SEC24A: variants seen among roughly 807,000 people sequenced by gnomAD.
SEC24A encodes the protein protein transport protein Sec24A.
In SEC24A, 93 loss-of-function variants were observed where a neutral mutation model predicts 129.4. The observed-to-expected ratio is 0.72, with a 90% CI of 0.61 to 0.85. The LOEUF (loss-of-function observed/expected upper bound fraction) is 0.85, where lower values mean the gene tolerates loss of function less well. SEC24A is among the 40% of genes least tolerant of loss of function. SEC24A has a pLI of 0.00. For synonymous variants in SEC24A, 460 were observed against 467.3 expected (o/e 0.98, Z 0.20); for missense variants, 1,264 against 1,307.4 (o/e 0.97, Z 0.51).
Position 134,725,043 on chromosome 5 carries a change from A to T in SEC24A, c.3231A>T (p.Ala1077=). The change falls in exon 23 of 23, where the codon GCA becomes GCT. Residue 1077 remains alanine (A), a synonymous_variant. Transcript: ENST00000398844. ...TGATAGAAGACAGAACAGAATCTGC[A>T]TTATCATATTATGAATTCCTGTTGC... is the stretch of plus-strand genomic sequence containing the variant. ...QNMIEDRTES[A]LSYYEFLLHI... 1 of 1,603,288 alleles carries T rather than the reference A, an allele frequency of 6.2e-7. No homozygotes were observed. The highest frequency in any genetic ancestry group is 1.3e-5 in the African/African-American group (1 of 74,834).
At chr5:134,685,364 T>G (rs2150090644) in intron 9 of SEC24A, among the ~76,000 whole-genome samples, 1 of 146,838 alleles carries the variant, frequency 6.8e-6, no homozygotes, top group Non-Finnish European at 1.5e-5. Context: ...ACACCTTCTC[T>G]CTAAAAAAAA....
At chr5:134,691,023 G>A (rs948933363) in intron 11 of SEC24A, among the ~76,000 whole-genome samples, 8 of 151,600 alleles carry the variant, frequency 5.3e-5, no homozygotes, top group African/African-American at 1.5e-4. Context: ...GCTAATTTTT[G>A]TGGTTTTTAG....
chr5:134,714,408 A>G (rs1221201323), intron 18 of SEC24A, among the ~76,000 whole-genome samples: 2 of 152,190 alleles, frequency 1.3e-5, no homozygotes, highest in Admixed American at 6.6e-5. Flanking sequence ...CTCCTGTCAG[A>G]TAAGTGGCAG....
intron 15 of SEC24A, 130 bp downstream of exon 15, chr5:134,698,187 G>A (rs1419252464): frequency 1.4e-6 from 1 of 727,778 alleles, no homozygotes; most frequent in African/African-American, 1.8e-5. Context: ...GCAATTAAGA[G>A]GAGAGAAGAA....
At chr5:134,723,121 G>A (rs1752669163) in intron 21 of SEC24A, among the ~76,000 whole-genome samples, 1 of 152,152 alleles carries the variant, frequency 6.6e-6, no homozygotes, top group Admixed American at 6.5e-5. Context: ...TCACACCAGT[G>A]CACTTCAGCC....
At chr5:134,686,647 A>G in intron 9 of SEC24A, 143 bp from the exon 10 acceptor site, 3 of 487,634 alleles carry the variant, frequency 6.2e-6, no homozygotes, top group Non-Finnish European at 1.1e-5. Flanking sequence ...TATAAACAAT[A>G]TAGTATAGCT....
Position 134,678,577 on chromosome 5 carries a change from TA to T in SEC24A, c.1255-1024del, listed in dbSNP as rs567600263. On this transcript the variant is annotated intron_variant, in intron 7 of 22. Coordinates refer to ENST00000398844, the MANE Select transcript of SEC24A (RefSeq NM_021982.3). ...TCCAAAGCACTGGGATATATATATA[TA>T]TATTTTTTTAATTTATTTCCAAGAT... 1.4e-3 allele frequency among the ~76,000 whole-genome samples: 204 copies of T among 150,188 alleles called. 1 individual carries two copies. The highest frequency in any genetic ancestry group is 0.01 in the Middle Eastern group (3 of 292).
chr5:134,723,382 C>T (rs569289321), intron 21 of SEC24A, among the ~76,000 whole-genome samples, 185 bp from the exon 22 acceptor site: 116 of 151,866 alleles, frequency 7.6e-4, no homozygotes, highest in Non-Finnish European at 1.5e-3. Flanking sequence ...GGAGGATCAC[C>T]GGAGCCTGGA....
chr5:134,718,987 A>T (rs556602529), intron 20 of SEC24A, among the ~76,000 whole-genome samples: 63 of 151,936 alleles, frequency 4.1e-4, no homozygotes, highest in African/African-American at 8.0e-4. Flanking sequence ...AAAAAAATTT[A>T]AAATAGAAAA....
Position 134,708,774 on chromosome 5 carries a change from C to T in SEC24A, c.2613C>T (p.Val871=). Residue 871 remains valine, a synonymous_variant, in exon 18 of 23, where the codon GTC becomes GTT. Coordinates refer to ENST00000398844, the MANE Select transcript of SEC24A (RefSeq NM_021982.3). ...CTCGGGATGCTCTAGTGAATGCAGT[C>T]ATTGACTCCCTTTCAGCTTACCGTT... ...SDARDALVNA[V]IDSLSAYRSS... The T allele has an allele frequency of 1.2e-6, 2 of 1,614,178 alleles. No individual in the cohort carries two copies. The highest frequency in any genetic ancestry group is 1.1e-5 in the South Asian group (1 of 91,074).
At chr5:134,665,451 G>A (rs1284900002) in intron 2 of SEC24A, among the ~76,000 whole-genome samples, 6 of 146,798 alleles carry the variant, frequency 4.1e-5, no homozygotes, top group African/African-American at 1.3e-4. Flanking sequence ...GTGAGACTTC[G>A]TCTCAGAAAA....
chr5:134,671,637 C>T (rs927555465), intron 3 of SEC24A, among the ~76,000 whole-genome samples, 172 bp from the exon 4 acceptor site: 1 of 152,148 alleles, frequency 6.6e-6, no homozygotes, highest in East Asian at 1.9e-4. Flanking sequence ...AGCTAAATTA[C>T]TTGAAACTAT....
At chr5:134,664,667 T>G (rs1248546388) in intron 2 of SEC24A, among the ~76,000 whole-genome samples, 1 of 152,156 alleles carries the variant, frequency 6.6e-6, no homozygotes, top group African/African-American at 2.4e-5. Context: ...CTGCCATAGA[T>G]ATGTGTGACC....
At chr5:134,673,078 T>A (rs1198518036) in intron 4 of SEC24A, among the ~76,000 whole-genome samples, 1 of 136,420 alleles carries the variant, frequency 7.3e-6, no homozygotes, top group Non-Finnish European at 1.6e-5. Context: ...TTTTCTGAGA[T>A]GGATTCTTGC....
chr5:134,661,110 T>G lies in SEC24A; in HGVS notation c.98-9T>G. 1 of 1,559,054 alleles carries G rather than the reference T, an allele frequency of 6.4e-7. No individual in the cohort carries two copies. Among genetic ancestry groups the G allele is most frequent in the Middle Eastern group, 1.7e-4 (1 of 5,816 alleles). On this transcript the variant is annotated splice_polypyrimidine_tract_variant and intron_variant, in intron 1 of 22. Transcript: ENST00000398844. ...TGGTAAGACTAATTTTTCCTCCTTT[T>G]ATTGGAAGGTCCTGTCCAAAATGCA...
intron 12 of SEC24A, 106 bp downstream of exon 12, chr5:134,692,763 GAT>G: frequency 1.3e-6 from 1 of 795,016 alleles, no homozygotes; most frequent in Non-Finnish European, 2.2e-6. Context: ...ACATTTCTAA[GAT>G]GTGTAGCATT....
intron 18 of SEC24A, among the ~76,000 whole-genome samples, chr5:134,710,264 C>T (rs374866403): frequency 6.7e-6 from 1 of 149,162 alleles, no homozygotes. Flanking sequence ...CAGGCTGGAG[C>T]GCAGTGGCAC....
At position 134,726,894 on chromosome 5, in the gene SEC24A, C is replaced by T. The variant is rs544472233; in HGVS notation, c.*1800C>T. 1 of 152,236 alleles carries T rather than the reference C, an allele frequency of 6.6e-6. No individual in the cohort carries two copies. Among genetic ancestry groups the T allele is most frequent in the East Asian group, 1.9e-4 (1 of 5,194 alleles). The allele number at this position is 152,236 out of a possible 1,614,324, so 9.4% of individuals were successfully genotyped here. On this transcript the variant is annotated 3_prime_UTR_variant, in exon 23 of 23. Coordinates refer to ENST00000398844, the MANE Select transcript of SEC24A (RefSeq NM_021982.3). ...GGATAATCTTCCTTGTGCCTCACTA[C>T]ATCCCTAAGTGGGTATGACTCTTGT... is the stretch of plus-strand genomic sequence containing the variant.
At chr5:134,687,036 C>T (rs1423491072) in intron 10 of SEC24A, 134 bp downstream of exon 10, 2 of 496,212 alleles carry the variant, frequency 4.0e-6, no homozygotes, top group East Asian at 6.7e-5. Context: ...TAATTTAGGC[C>T]TCACTTTCTC....
Sources: gnomAD v4.1 joint callset for allele counts (sites outside exome capture counted in the v4.1 genomes callset) on GRCh38, gnomAD v4.1.1 for gene constraint, MANE v1.5 for transcripts, NCBI Gene and HGNC (gene_info 2026-07-23, HGNC 2026-07-21) for gene names.